Variants in COA1 observed in about 807,000 individuals in gnomAD.
COA1 encodes the protein cytochrome c oxidase assembly factor 1.
In COA1, 13 loss-of-function variants were observed where a neutral mutation model predicts 16.0. That is an observed-to-expected ratio of 0.81 (90% confidence interval 0.53 to 1.29). COA1 has a LOEUF of 1.29. Ranked by LOEUF, COA1 falls within the 50% of genes most tolerant of loss-of-function variation. COA1 has a pLI of 0.00. For synonymous variants in COA1, 65 were observed against 65.7 expected, an observed-to-expected ratio of 0.99 and a Z score of 0.05; for missense variants, 179 against 177.0, an observed-to-expected ratio of 1.01 and a Z score of -0.06.
intron 1 of COA1, among the ~76,000 whole-genome samples, chr7:43,706,187 TC>T (rs1187622355): frequency 1.3e-5 from 2 of 151,974 alleles, no homozygotes; most frequent in Non-Finnish European, 2.9e-5. Flanking sequence ...AAAAAAAATC[TC>T]TTTTACACAA....
intron 1 of COA1, among the ~76,000 whole-genome samples, chr7:43,716,740 T>G (rs372760286): frequency 1.3e-5 from 2 of 152,256 alleles, no homozygotes; most frequent in South Asian, 4.1e-4. Flanking sequence ...TGTCAGAGAC[T>G]TTCACGGCAG....
intron 1 of COA1, among the ~76,000 whole-genome samples, chr7:43,709,821 T>G (rs2131683472): frequency 6.6e-6 from 1 of 152,290 alleles, no homozygotes; most frequent in African/African-American, 2.4e-5. Flanking sequence ...TAACTAAATC[T>G]TATTAACACA....
At chr7:43,639,906 C>T (rs568253804) in intron 5 of COA1, among the ~76,000 whole-genome samples, 4 of 152,228 alleles carry the variant, frequency 2.6e-5, no homozygotes, top group Admixed American at 6.5e-5. Flanking sequence ...GACTGACAGG[C>T]GAATGGAAGG....
At chr7:43,701,249 C>T (rs1349669164) in intron 1 of COA1, among the ~76,000 whole-genome samples, 1 of 152,052 alleles carries the variant, frequency 6.6e-6, no homozygotes, top group Non-Finnish European at 1.5e-5. Context: ...CAACCCTCAC[C>T]CTCCTCCCAC....
intron 1 of COA1, among the ~76,000 whole-genome samples, chr7:43,687,137 C>T (rs1229482896): frequency 2.6e-5 from 4 of 152,198 alleles, no homozygotes; most frequent in Admixed American, 2.0e-4. Context: ...CAATGCTTCC[C>T]CAGGATGCAT....
At chr7:43,663,523 A>T (rs1188365274) in intron 1 of COA1, among the ~76,000 whole-genome samples, 1 of 151,826 alleles carries the variant, frequency 6.6e-6, no homozygotes, top group Non-Finnish European at 1.5e-5. Context: ...AAAGACAAAA[A>T]CTTACGGGCT....
chr7:43,648,850 A>G (rs2090141158), intron 1 of COA1, 198 bp from the exon 2 acceptor site: 1 of 527,386 alleles, frequency 1.9e-6, no homozygotes, highest in Non-Finnish European at 3.4e-6. Flanking sequence ...GAAAAAACAA[A>G]GCCTGCGGGT....
chr7:43,613,119 A>T (rs1056952813), intron 6 of COA1, among the ~76,000 whole-genome samples: 4 of 152,082 alleles, frequency 2.6e-5, no homozygotes, highest in African/African-American at 9.7e-5. Context: ...CTTAAAATCT[A>T]TTGCTCTTTT....
chr7:43,644,426 T>C (rs1054279772), intron 4 of COA1, among the ~76,000 whole-genome samples: 4 of 152,214 alleles, frequency 2.6e-5, no homozygotes, highest in African/African-American at 7.2e-5. Context: ...AAAAAATGGG[T>C]TGGTATTCTG....
intron 1 of COA1, among the ~76,000 whole-genome samples, chr7:43,709,964 AAG>A (rs1168463389): frequency 1.3e-5 from 2 of 152,218 alleles, no homozygotes; most frequent in Non-Finnish European, 2.9e-5. Context: ...AACATCCTGC[AAG>A]GCTAAACTCA....
intron 1 of COA1, among the ~76,000 whole-genome samples, chr7:43,661,240 C>T (rs1406891007): frequency 2.0e-5 from 3 of 152,186 alleles, no homozygotes; most frequent in Admixed American, 6.5e-5. Context: ...TTTTAGAATG[C>T]CTCATATCTA....
chr7:43,630,092 C>T (rs1354967167), intron 6 of COA1, among the ~76,000 whole-genome samples: 2 of 152,078 alleles, frequency 1.3e-5, no homozygotes, highest in Non-Finnish European at 2.9e-5. Context: ...CACTACACCG[C>T]GCGGGTGAAC....
chr7:43,618,168 G>A (rs889621150), intron 6 of COA1, among the ~76,000 whole-genome samples: 1 of 152,190 alleles, frequency 6.6e-6, no homozygotes, highest in Non-Finnish European at 1.5e-5. Context: ...GAACAATAGA[G>A]TAAGCATGCT....
At chr7:43,645,439 G>C (rs781670806) in intron 3 of COA1, 40 bp from the exon 4 acceptor site, 2 of 1,591,454 alleles carry the variant, frequency 1.3e-6, no homozygotes, top group South Asian at 1.1e-5. Flanking sequence ...TATTGAACTT[G>C]GTCAGGTAGA....
chr7:43,668,161 T>C (rs762672063), intron 1 of COA1, among the ~76,000 whole-genome samples: 9 of 152,012 alleles, frequency 5.9e-5, no homozygotes, highest in Middle Eastern at 6.8e-3. Context: ...CCTCATACCT[T>C]GTCTACACAG....
chr7:43,648,163 G>A (rs1481755509), intron 2 of COA1: 7 of 211,794 alleles, frequency 3.3e-5, no homozygotes, highest in South Asian at 9.2e-5. Context: ...ATGCCAGCTC[G>A]GTAAATACAG....
At chr7:43,691,421 A>AAAAAAAAG (rs2094347008) in intron 1 of COA1, among the ~76,000 whole-genome samples, 1 of 87,460 alleles carries the variant, frequency 1.1e-5, no homozygotes, top group Non-Finnish European at 2.2e-5. Flanking sequence ...GGAAGAAAGA[A>AAAAAAAAG]AAAGAAAGAA....
At position 43,640,568 on chromosome 7, in the gene COA1, G is replaced by C; in HGVS notation, c.341+5C>G. The C allele has an allele frequency of 6.3e-7, 1 of 1,599,614 alleles. No homozygotes were observed. Among genetic ancestry groups the C allele is most frequent in the Non-Finnish European group, 8.5e-7 (1 of 1,172,126 alleles). ...TCCCCCACTGCCGTCACCTTCCCAG[G>C]ATACCTCTGAAAGGGGCCACCTCTG... On this transcript the variant is annotated splice_donor_5th_base_variant and intron_variant, in intron 5 of 5. Coordinates refer to ENST00000223336, the MANE Select transcript of COA1 (RefSeq NM_018224.4).
At chr7:43,703,442 C>G (rs1318184168) in intron 1 of COA1, among the ~76,000 whole-genome samples, 1 of 152,126 alleles carries the variant, frequency 6.6e-6, no homozygotes, top group African/African-American at 2.4e-5. Flanking sequence ...TGAAGTCTCC[C>G]ACTATTGTTG....
Sources: gnomAD v4.1 joint callset for allele counts (sites outside exome capture counted in the v4.1 genomes callset) on GRCh38, gnomAD v4.1.1 for gene constraint, MANE v1.5 for transcripts, NCBI Gene and HGNC (gene_info 2026-07-23, HGNC 2026-07-21) for gene names.